The following TMEM266 variants were observed in gnomAD, a reference collection of about 807,000 sequenced individuals.
The protein encoded by TMEM266 is transmembrane protein 266.
In TMEM266, 33 loss-of-function variants were observed where a neutral mutation model predicts 50.5. The ratio of observed to expected loss-of-function variants is 0.65; its 90% CI spans 0.50 to 0.87. The LOEUF is 0.87. Among genes scored for constraint, TMEM266 ranks in the 40% least tolerant of loss-of-function variants. The pLI, the probability that TMEM266 is intolerant of heterozygous loss-of-function variation, is 0.00. For missense variants in TMEM266, 655 were observed against 695.1 expected, an observed-to-expected ratio of 0.94 and a Z score of 0.65; for synonymous variants, 310 against 292.3, an observed-to-expected ratio of 1.06 and a Z score of -0.62.
At chr15:76,066,556 T>G (rs2141980813) in intron 1 of TMEM266, among the ~76,000 whole-genome samples, 1 of 152,114 alleles carries the variant, frequency 6.6e-6, no homozygotes, top group South Asian at 2.1e-4. Flanking sequence ...AGCCACTGTG[T>G]TCTAGTCCTG....
At position 76,204,324 on chromosome 15, in the gene TMEM266, A is replaced by G. The variant is rs763459792; in HGVS notation, c.*9A>G. The G allele has an allele frequency of 1.9e-6, 3 of 1,588,344 alleles. No individual in the cohort carries two copies. In the Admixed American group the frequency reaches 5.1e-5, roughly 27 times the overall value. On this transcript the variant is annotated 3_prime_UTR_variant, in exon 11 of 11. Transcript: ENST00000388942. ...GGGTCCCTGAGGCCTAGAGCCTGCC[A>G]TGGGCTGGGTGAGATGAGGGGAGAC...
chr15:76,183,020 A>G lies in TMEM266; in HGVS notation c.768+7346A>G, dbSNP rs765991737. Among the ~76,000 whole-genome samples, 6 of 150,508 alleles carry G rather than the reference A, an allele frequency of 4.0e-5. No individual in the cohort carries two copies. The East Asian group carries it at 5.9e-4, about 15-fold the overall frequency. On this transcript the variant is annotated intron_variant, in intron 8 of 10. Coordinates refer to ENST00000388942, the MANE Select transcript of TMEM266 (RefSeq NM_152335.3). ...CATTTGTCACTCTCATCATACTCCA[A>G]TGCAGGTTGCAATGGGGCAGGGTGG... is the stretch of plus-strand genomic sequence containing the variant.
rs2037993068 is a variant in TMEM266 at position 76,160,048 on chromosome 15, A to ACT, written c.383-46_383-45insTC. 6.3e-7 allele frequency: 1 copy of ACT among 1,576,872 alleles called. No homozygotes were observed. Among genetic ancestry groups the ACT allele is most frequent in the Admixed American group, 1.7e-5 (1 of 59,894 alleles). ...TGCTGCGAAGCCCCCATAGCAACGCACCTAATTCCTCACTCCTAAAATTGG... is the reference window on the plus strand; with the variant it reads ...TGCTGCGAAGCCCCCATAGCAACGCACTCCTAATTCCTCACTCCTAAAATTGG... On this transcript the variant is annotated intron_variant, in intron 4 of 10. Coordinates refer to ENST00000388942, the MANE Select transcript of TMEM266 (RefSeq NM_152335.3). This position sits in a 1 kb window ranked among gnomAD's most constrained non-coding sequence, Gnocchi z 5.7.
intron 5 of TMEM266, among the ~76,000 whole-genome samples, chr15:76,162,246 C>A: frequency 6.6e-6 from 1 of 152,150 alleles, no homozygotes; most frequent in East Asian, 1.9e-4. Context: ...CAGGGGCCAC[C>A]CCTGCCAGTG....
chr15:76,173,356 A>G (rs902750367), intron 7 of TMEM266, among the ~76,000 whole-genome samples: 1 of 152,134 alleles, frequency 6.6e-6, no homozygotes, highest in African/African-American at 2.4e-5. Context: ...AGAGTCAGGA[A>G]GGGCTGGGTT....
Position 76,204,524 on chromosome 15 carries a change from T to A in TMEM266, c.*209T>A. 2.1e-6 allele frequency: 1 copy of A among 475,768 alleles called. No homozygotes were observed. The highest frequency in any genetic ancestry group is 3.7e-6 in the Non-Finnish European group (1 of 269,620). The allele number at this position is 475,768 out of a possible 1,614,324, so 29.5% of individuals were successfully genotyped here. On this transcript the variant is annotated 3_prime_UTR_variant, in exon 11 of 11. Coordinates refer to ENST00000388942, the MANE Select transcript of TMEM266 (RefSeq NM_152335.3). ...GAGCTGGCGCCTCTTCTCGCCCTGCTCAGGGGAGGGTGGTGCTCGTGGCTG... is the reference window on the plus strand; with the variant it reads ...GAGCTGGCGCCTCTTCTCGCCCTGCACAGGGGAGGGTGGTGCTCGTGGCTG...
At chr15:76,202,063 A>G (rs2142092565) in intron 9 of TMEM266, 139 bp from the exon 10 acceptor site, 1 of 674,474 alleles carries the variant, frequency 1.5e-6, no homozygotes. Context: ...TGGAGAACTA[A>G]GAGGCAGCTC....
Position 76,204,511 on chromosome 15 carries a change from C to T in TMEM266, c.*196C>T, listed in dbSNP as rs2038806078. 3.9e-6 allele frequency: 2 copies of T among 512,964 alleles called. No individual in the cohort carries two copies. Among genetic ancestry groups the T allele is most frequent in the South Asian group, 7.8e-5 (2 of 25,798 alleles). 31.8% of individuals were successfully genotyped at this position (512,964 alleles called of 1,614,324 possible). On this transcript the variant is annotated 3_prime_UTR_variant, in exon 11 of 11. Transcript: ENST00000388942. ...ACCTCAAAGCCCAGAGCTGGCGCCT[C>T]TTCTCGCCCTGCTCAGGGGAGGGTG...
At chr15:76,130,835 T>A (rs555825643) in intron 1 of TMEM266, among the ~76,000 whole-genome samples, 29 of 152,326 alleles carry the variant, frequency 1.9e-4, no homozygotes, top group Admixed American at 1.6e-3. Context: ...TTAAAAAAAA[T>A]TTTTCATAAT....
chr15:76,079,575 G>C (rs957763882), intron 1 of TMEM266, among the ~76,000 whole-genome samples: 1 of 149,712 alleles, frequency 6.7e-6, no homozygotes, highest in African/African-American at 2.5e-5. Flanking sequence ...AGATCACGAG[G>C]TCAGGAGTTC....
At chr15:76,125,926 C>G (rs1018362038) in intron 1 of TMEM266, among the ~76,000 whole-genome samples, 1 of 150,954 alleles carries the variant, frequency 6.6e-6, no homozygotes, top group African/African-American at 2.4e-5. Context: ...AGGAGACACA[C>G]GAATGGCCAA....
intron 8 of TMEM266, among the ~76,000 whole-genome samples, chr15:76,187,206 T>G (rs2038501023): frequency 6.6e-6 from 1 of 152,258 alleles, no homozygotes; most frequent in South Asian, 2.1e-4. Context: ...TAGCTGAAAC[T>G]TGCTTCTGTG....
chr15:76,198,527 C>G (rs972834335), intron 9 of TMEM266, among the ~76,000 whole-genome samples: 1 of 152,212 alleles, frequency 6.6e-6, no homozygotes. Flanking sequence ...TAGGAGGAAC[C>G]AGGGTGGGCA....
intron 8 of TMEM266, among the ~76,000 whole-genome samples, chr15:76,190,068 CAAAATATT>C (rs915728043): frequency 3.5e-4 from 54 of 152,280 alleles, no homozygotes; most frequent in Admixed American, 1.5e-3. Flanking sequence ...GTAAAATCAA[CAAAATATT>C]AAAATAAATA....
chr15:76,111,065 G>C (rs1414480477), intron 1 of TMEM266, among the ~76,000 whole-genome samples: 1 of 150,800 alleles, frequency 6.6e-6, no homozygotes, highest in Non-Finnish European at 1.5e-5. Context: ...CACTTTGGAA[G>C]ACACACTTTC....
chr15:76,142,368 G>A (rs2037693630), intron 3 of TMEM266, among the ~76,000 whole-genome samples: 1 of 152,228 alleles, frequency 6.6e-6, no homozygotes, highest in African/African-American at 2.4e-5. Flanking sequence ...CTCCAGCCTG[G>A]GTGACAGAGC....
At chr15:76,163,928 C>G (rs1223839915) in intron 5 of TMEM266, among the ~76,000 whole-genome samples, 1 of 152,208 alleles carries the variant, frequency 6.6e-6, no homozygotes, top group East Asian at 1.9e-4. Flanking sequence ...TTACAGTGGA[C>G]AATTCCGTGG....
intron 7 of TMEM266, among the ~76,000 whole-genome samples, chr15:76,174,547 CAAAAT>C (rs1428732378): frequency 7.2e-5 from 11 of 152,142 alleles, no homozygotes; most frequent in Admixed American, 6.5e-4. Context: ...GATTCCATCT[CAAAAT>C]AAAAGTTCAC....
intron 1 of TMEM266, among the ~76,000 whole-genome samples, chr15:76,085,185 T>A (rs1393294202): frequency 6.6e-6 from 1 of 151,766 alleles, no homozygotes; most frequent in African/African-American, 2.4e-5. Flanking sequence ...GGTCTCTATC[T>A]CCTGACCTTG....
Sources: allele counts gnomAD v4.1 joint callset (sites outside exome capture counted in the v4.1 genomes callset), GRCh38; gene constraint gnomAD v4.1.1; non-coding constraint Gnocchi (gnomAD v3.1); transcripts MANE v1.5; gene names NCBI Gene and HGNC (gene_info 2026-07-23, HGNC 2026-07-21).